STT3B: variants seen among roughly 807,000 people sequenced by gnomAD.
STT3B encodes the protein STT3 oligosaccharyltransferase complex catalytic subunit B, also known as dolichyl-diphosphooligosaccharide--protein glycosyltransferase subunit STT3B.
A neutral mutation model predicts 96.8 loss-of-function variants in STT3B; 29 were observed. That is an observed-to-expected ratio of 0.30 (90% confidence interval 0.22 to 0.41). The LOEUF (loss-of-function observed/expected upper bound fraction) is 0.41. Among genes scored for constraint, STT3B ranks in the 10% least tolerant of loss-of-function variants. The pLI, the probability that STT3B is intolerant of heterozygous loss-of-function variation, is 1.00. For synonymous variants in STT3B, 367 were observed against 360.0 expected (o/e 1.02, Z -0.22); for missense variants, 640 against 1,022.3 (o/e 0.63, Z 5.10).
At chr3:31,592,107 A>G (rs1338041722) in intron 3 of STT3B, among the ~76,000 whole-genome samples, 1 of 152,150 alleles carries the variant, frequency 6.6e-6, no homozygotes, top group Non-Finnish European at 1.5e-5. Context: ...TACCCATTAA[A>G]CAATATCTCT....
chr3:31,569,792 A>G (rs1698096067), intron 1 of STT3B, among the ~76,000 whole-genome samples: 1 of 152,046 alleles, frequency 6.6e-6, no homozygotes, highest in Non-Finnish European at 1.5e-5. Context: ...ATTGGGGGAA[A>G]ACTATAATTG....
At chr3:31,582,719 G>C (rs1214191469) in intron 3 of STT3B, among the ~76,000 whole-genome samples, 2 of 151,734 alleles carry the variant, frequency 1.3e-5, no homozygotes, top group Non-Finnish European at 2.9e-5. Flanking sequence ...CTACTTTGAC[G>C]GTGTCTCATA....
chr3:31,565,885 G>C (rs1697992881), intron 1 of STT3B, among the ~76,000 whole-genome samples: 1 of 152,090 alleles, frequency 6.6e-6, no homozygotes, highest in Admixed American at 6.5e-5. Flanking sequence ...TTTAGAAAGG[G>C]CATAAGCTTT....
At chr3:31,568,407 T>G (rs1220682354) in intron 1 of STT3B, among the ~76,000 whole-genome samples, 1 of 152,192 alleles carries the variant, frequency 6.6e-6, no homozygotes, top group East Asian at 1.9e-4. Context: ...ATATGGTAGT[T>G]CTATTTGTTT....
At chr3:31,591,670 G>A (rs1271565038) in intron 3 of STT3B, among the ~76,000 whole-genome samples, 1 of 151,954 alleles carries the variant, frequency 6.6e-6, no homozygotes, top group African/African-American at 2.4e-5. Flanking sequence ...CCTCTGTGCT[G>A]TTATTGTCGT....
intron 13 of STT3B, among the ~76,000 whole-genome samples, chr3:31,627,063 C>T (rs982510792): frequency 6.6e-6 from 1 of 152,148 alleles, no homozygotes; most frequent in Non-Finnish European, 1.5e-5. Flanking sequence ...AAGCCCTTTT[C>T]TGGTATACTC....
chr3:31,636,036 G>C lies in STT3B; in HGVS notation c.2453G>C (p.Gly818Ala). The C allele has an allele frequency of 1.2e-6, 2 of 1,609,594 alleles. No homozygotes were observed. The highest frequency in any genetic ancestry group is 1.7e-6 in the Non-Finnish European group (2 of 1,177,926). ...YIKNKLVFKKGKKISKKTV is the reference protein window; with the variant it reads ...YIKNKLVFKKAKKISKKTV ...AAAAATAAGCTGGTTTTTAAGAAAG[G>C]CAAGAAAATATCTAAGAAGACTGTT... is the stretch of plus-strand genomic sequence containing the variant. The change falls in exon 16 of 16, where the codon GGC becomes GCC. Residue 818 changes from glycine (G) to alanine (A), a missense_variant. Transcript: ENST00000295770.
chr3:31,598,824 T>C (rs1027369285), intron 4 of STT3B, among the ~76,000 whole-genome samples: 1 of 152,092 alleles, frequency 6.6e-6, no homozygotes, highest in Admixed American at 6.5e-5. Flanking sequence ...TTTTTTTTTT[T>C]TTGAGATGGA....
At chr3:31,607,853 G>A (rs1049591729) in intron 5 of STT3B, among the ~76,000 whole-genome samples, 28 of 152,126 alleles carry the variant, frequency 1.8e-4, no homozygotes, top group African/African-American at 6.0e-4. Context: ...TCCCACCTCC[G>A]CCTTCCAAAG....
chr3:31,579,792 C>T lies in STT3B; in HGVS notation c.424-17C>T, dbSNP rs768822094. On this transcript the variant is annotated splice_polypyrimidine_tract_variant and intron_variant, in intron 2 of 15. Coordinates refer to ENST00000295770, the MANE Select transcript of STT3B (RefSeq NM_178862.3). ...TCATTTTATATGTAATTAAATTTTC[C>T]ATTTTTTTCTTCCTAGGTTTACCCA... The T allele has an allele frequency of 9.5e-6, 15 of 1,577,690 alleles. No homozygotes were observed. The South Asian group carries it at 1.5e-4, about 16-fold the overall frequency.
intron 1 of STT3B, among the ~76,000 whole-genome samples, chr3:31,539,479 G>C (rs193095633): frequency 1.2e-4 from 19 of 152,248 alleles, no homozygotes; most frequent in African/African-American, 3.8e-4. Context: ...AGATCTGCCA[G>C]ATTCCAAAGT....
chr3:31,563,884 C>T (rs1484859340), intron 1 of STT3B, among the ~76,000 whole-genome samples: 2 of 152,102 alleles, frequency 1.3e-5, no homozygotes. Flanking sequence ...TGGCTCACTG[C>T]AACCTCCACC....
At chr3:31,556,265 G>T (rs1697708691) in intron 1 of STT3B, among the ~76,000 whole-genome samples, 1 of 152,036 alleles carries the variant, frequency 6.6e-6, no homozygotes, top group Non-Finnish European at 1.5e-5. Flanking sequence ...ATATTCCATT[G>T]TGCTTATATA....
At position 31,533,123 on chromosome 3, in the gene STT3B, A is replaced by C; in HGVS notation, c.125A>C (p.His42Pro). The change falls in exon 1 of 16, where the codon CAC becomes CCC. Residue 42 changes from histidine (H) to proline (P), a missense_variant. Physicochemically the swap from His to Pro is moderately conservative, Grantham distance 77. Around this residue, in one of 8 missense-constraint regions of STT3B, gnomAD observed 89 missense variants for 81.7 expected, o/e 1.09. Transcript: ENST00000295770. The part of the protein sequence containing the change: ...GHHGPGAQCA[H>P]KAAGGAAPPK... ...CACGGGCCCGGGGCCCAGTGCGCGC[A>C]CAAGGCGGCGGGCGGCGCGGCGCCG... 1 of 1,333,388 alleles carries C rather than the reference A, an allele frequency of 7.5e-7. No individual in the cohort carries two copies. Among genetic ancestry groups the C allele is most frequent in the Non-Finnish European group, 9.6e-7 (1 of 1,042,424 alleles). The allele number at this position is 1,333,388 out of a possible 1,614,324, so 82.6% of individuals were successfully genotyped here.
intron 5 of STT3B, among the ~76,000 whole-genome samples, chr3:31,601,842 G>C (rs1402851479): frequency 6.6e-6 from 1 of 152,120 alleles, no homozygotes; most frequent in Non-Finnish European, 1.5e-5. Flanking sequence ...TTTTTCATTT[G>C]ATACTGTGAG....
chr3:31,569,800 T>TTGTGTGTGAGAG (rs1338532944), intron 1 of STT3B, among the ~76,000 whole-genome samples: 1 of 152,064 alleles, frequency 6.6e-6, no homozygotes, highest in Non-Finnish European at 1.5e-5. Context: ...AAAACTATAA[T>TTGTGTGTGAGAG]TGTGTGTGAG....
chr3:31,562,460 G>A (rs1697903132), intron 1 of STT3B, among the ~76,000 whole-genome samples: 2 of 152,136 alleles, frequency 1.3e-5, no homozygotes, highest in South Asian at 2.1e-4. Flanking sequence ...TGTGTGTTTG[G>A]GTACTTGCTT....
At chr3:31,595,549 C>T (rs1314007238) in intron 3 of STT3B, among the ~76,000 whole-genome samples, 2 of 152,074 alleles carry the variant, frequency 1.3e-5, no homozygotes, top group African/African-American at 4.8e-5. Flanking sequence ...CTGATACCTA[C>T]CTCTATTATA....
In STT3B at chr3:31,563,454, A is replaced by T. The variant is rs532528442; in HGVS notation, c.315-12942A>T. On this transcript the variant is annotated intron_variant, in intron 1 of 15. Coordinates refer to ENST00000295770, the MANE Select transcript of STT3B (RefSeq NM_178862.3). ...TTTCAGATAGGCAAGCAAACAAGTA[A>T]ATAAAAAGATCAAGATAATTTTAGT... Among the ~76,000 whole-genome samples, 6 of 152,354 alleles carry T rather than the reference A, an allele frequency of 3.9e-5. No individual in the cohort carries two copies. In the East Asian group the frequency reaches 9.6e-4, roughly 24 times the overall value.
Sources: gnomAD v4.1 joint callset for allele counts (sites outside exome capture counted in the v4.1 genomes callset) on GRCh38, gnomAD v4.1.1 for gene constraint, gnomAD v4.1.1 regional missense constraint, MANE v1.5 for transcripts, NCBI Gene and HGNC (gene_info 2026-07-23, HGNC 2026-07-21) for gene names.